The following BEND4 variants were observed in gnomAD, a reference collection of about 807,000 sequenced individuals.
BEND4 encodes the protein BEN domain-containing protein 4.
Under a neutral mutation model 54.7 loss-of-function variants are expected in BEND4, and 27 were observed. That is an observed-to-expected ratio of 0.49 (90% CI 0.36 to 0.68). The LOEUF (loss-of-function observed/expected upper bound fraction) is 0.68. Among genes scored for constraint, BEND4 ranks in the 30% least tolerant of loss-of-function variants. BEND4 has a pLI of 0.00. For missense variants in BEND4, 702 were observed against 697.2 expected, an observed-to-expected ratio of 1.01 and a Z score of -0.08; for synonymous variants, 327 against 299.5, an observed-to-expected ratio of 1.09 and a Z score of -0.95.
chr4:42,127,504 T>A (rs1335030248), intron 3 of BEND4, among the ~76,000 whole-genome samples: 3 of 152,202 alleles, frequency 2.0e-5, no homozygotes, highest in Admixed American at 6.5e-5. Context: ...AGGAAGAATG[T>A]GTCTCCTGAC....
rs967770427 is a variant in BEND4 at position 42,114,761 on chromosome 4, T to C, written c.*2757A>G. ...CCAAAATACAAATGAACATCCTTTG[T>C]TGGTCCTGATTTAAACAAGAGGAGA... On this transcript the variant is annotated 3_prime_UTR_variant, in exon 6 of 6. Transcript: ENST00000502486. 1.3e-5 allele frequency: 2 copies of C among 152,210 alleles called. No homozygotes were observed. Among genetic ancestry groups the C allele is most frequent in the Non-Finnish European group, 2.9e-5 (2 of 68,048 alleles). The allele number at this position is 152,210 out of a possible 1,614,324, so 9.4% of individuals were successfully genotyped here. A position where few individuals can be genotyped will look rare whatever the true frequency, so the allele number is the denominator to read the frequency against.
At chr4:42,129,715 CA>C (rs1720433919) in intron 3 of BEND4, among the ~76,000 whole-genome samples, 1 of 152,116 alleles carries the variant, frequency 6.6e-6, no homozygotes, top group Admixed American at 6.5e-5. Context: ...ATACCTTATA[CA>C]AAAAGTAACT....
At chr4:42,131,902 C>T (rs1388067806) in intron 3 of BEND4, among the ~76,000 whole-genome samples, 1 of 152,142 alleles carries the variant, frequency 6.6e-6, no homozygotes, top group Admixed American at 6.5e-5. Flanking sequence ...CCTTGAAGCA[C>T]CCCCAGCCAA....
At chr4:42,139,230 G>T (rs2153146756) in intron 3 of BEND4, among the ~76,000 whole-genome samples, 2 of 152,164 alleles carry the variant, frequency 1.3e-5, no homozygotes, top group Admixed American at 1.3e-4. Flanking sequence ...TTTCTAGTGT[G>T]GTGATCTAAT....
rs373600806 is a variant in BEND4 at position 42,117,974 on chromosome 4, T to C, written c.1388-239A>G. 9.7e-4 allele frequency among the ~76,000 whole-genome samples: 147 copies of C among 152,196 alleles called. No individual in the cohort carries two copies. The Middle Eastern group carries it at 0.02, about 21-fold the overall frequency. On this transcript the variant is annotated intron_variant, in intron 5 of 5. Coordinates refer to ENST00000502486, the MANE Select transcript of BEND4 (RefSeq NM_207406.4). The stretch of plus-strand genomic sequence containing the variant: ...ACACAGATATAGAGGGTAATCCCTC[T>C]AAGGAACATTTGCTGTTGAAATAAA...
Position 42,140,996 on chromosome 4 carries a change from A to C in BEND4, c.1054+2432T>G, listed in dbSNP as rs567423927. Among the ~76,000 whole-genome samples the C allele has an allele frequency of 7.2e-5, 11 of 152,114 alleles. No homozygotes were observed. In the East Asian group the frequency reaches 1.9e-3, roughly 27 times the overall value. ...GAGATAAACCCACAGTGAACTAAGC[A>C]CTGGTTACACAGCTGTGAGACTTGT... On this transcript the variant is annotated intron_variant, in intron 3 of 5. Coordinates refer to ENST00000502486, the MANE Select transcript of BEND4 (RefSeq NM_207406.4).
intron 3 of BEND4, among the ~76,000 whole-genome samples, chr4:42,126,985 T>A (rs1355015641): frequency 6.6e-6 from 1 of 152,262 alleles, no homozygotes; most frequent in African/African-American, 2.4e-5. Context: ...AAGATGTTCT[T>A]GTCACGTTCA....
At position 42,115,551 on chromosome 4, in the gene BEND4, A is replaced by G. The variant is rs1339686426; in HGVS notation, c.*1967T>C. 1 of 152,264 alleles carries G rather than the reference A, an allele frequency of 6.6e-6. No individual in the cohort carries two copies. The highest frequency in any genetic ancestry group is 1.5e-5 in the Non-Finnish European group (1 of 68,044). 9.4% of individuals were successfully genotyped at this position (152,264 alleles called of 1,614,324 possible). ...TTTAGAAAAACAGAACGATGTATTC[A>G]GCAGTAAGGACAACTTAAGGCCAAT... On this transcript the variant is annotated 3_prime_UTR_variant, in exon 6 of 6. Transcript: ENST00000502486.
intron 4 of BEND4, 76 bp downstream of exon 4, chr4:42,125,507 G>T: frequency 1.8e-6 from 2 of 1,119,716 alleles, no homozygotes; most frequent in Admixed American, 1.8e-5. Context: ...AGTCTGTTCT[G>T]GTATACACTG....
chr4:42,132,963 T>C (rs979296266), intron 3 of BEND4, among the ~76,000 whole-genome samples: 4 of 152,300 alleles, frequency 2.6e-5, no homozygotes, highest in Admixed American at 2.0e-4. Flanking sequence ...TATCCTGATA[T>C]TGATATTTAT....
At chr4:42,135,729 T>C (rs894521652) in intron 3 of BEND4, among the ~76,000 whole-genome samples, 6 of 152,078 alleles carry the variant, frequency 3.9e-5, no homozygotes, top group Non-Finnish European at 8.8e-5. Context: ...GAGCCGAGAT[T>C]GTGCCACTGC....
In BEND4 at chr4:42,143,789, T is replaced by C. The variant is rs146288414; in HGVS notation, c.693A>G (p.Ile231Met). The change falls in exon 3 of 6, where the codon ATA becomes ATG. Residue 231 changes from isoleucine (I) to methionine (M), a missense_variant. Physicochemically the swap from Ile to Met is conservative, Grantham distance 10. Transcript: ENST00000502486. ...GTTTCCTTTGCATATACTGCATCTC[T>C]ATGTCTACATTGTCTGAGGTCTGAC... ...VHSQTSDNVDIEMQYMQRKQQ... is the reference protein window; with the variant it reads ...VHSQTSDNVDMEMQYMQRKQQ... 1.9e-3 allele frequency: 3,101 copies of C among 1,610,762 alleles called. 10 individuals carry two copies. Among genetic ancestry groups the C allele is most frequent in the Middle Eastern group, 3.1e-3 (19 of 6,048 alleles).
At chr4:42,126,195 T>C (rs1720275591) in intron 3 of BEND4, among the ~76,000 whole-genome samples, 1 of 152,264 alleles carries the variant, frequency 6.6e-6, no homozygotes, top group Admixed American at 6.5e-5. Context: ...CACAATTCAC[T>C]GAGAACTTTC....
chr4:42,135,785 C>G lies in BEND4; in HGVS notation c.1054+7643G>C, dbSNP rs755897620. Among the ~76,000 whole-genome samples, 5 of 151,998 alleles carry G rather than the reference C, an allele frequency of 3.3e-5. No individual in the cohort carries two copies. In the East Asian group the frequency reaches 5.8e-4, roughly 18 times the overall value. ...GCAAGACTCCGTCTAAAAAAACCAA[C>G]CAAACAAACATACAAAAAAAACATT... On this transcript the variant is annotated intron_variant, in intron 3 of 5. Coordinates refer to ENST00000502486, the MANE Select transcript of BEND4 (RefSeq NM_207406.4).
chr4:42,151,954 G>A lies in BEND4; in HGVS notation c.190C>T (p.Pro64Ser). Reference protein sequence around the residue: ...APPPPPPPFAPHAAVSISSSE... With the variant: ...APPPPPPPFASHAAVSISSSE... ...CTGCTGATGGAGACGGCGGCGTGCG[G>A]CGCGAAGGGCGGCGGGGGCGGCGGG... is the stretch of plus-strand genomic sequence containing the variant. The change falls in exon 2 of 6, where the codon CCG becomes TCG. Residue 64 changes from proline to serine, a missense_variant. By Grantham distance (74) the Pro-to-Ser change is moderately conservative. Transcript: ENST00000502486. 8.0e-7 allele frequency: 1 copy of A among 1,249,050 alleles called. No individual in the cohort carries two copies. The highest frequency in any genetic ancestry group is 2.7e-4 in the Middle Eastern group (1 of 3,712). The allele number at this position is 1,249,050 out of a possible 1,614,324, so 77.4% of individuals were successfully genotyped here. A position where few individuals can be genotyped will look rare whatever the true frequency, so the allele number is the denominator to read the frequency against.
intron 3 of BEND4, among the ~76,000 whole-genome samples, chr4:42,136,606 C>A (rs952591027): frequency 2.0e-5 from 3 of 152,358 alleles, no homozygotes; most frequent in Admixed American, 2.0e-4. Context: ...GCTTTGCATT[C>A]TTGTTTCAGC....
intron 3 of BEND4, among the ~76,000 whole-genome samples, chr4:42,138,505 CACA>C (rs1446873816): frequency 6.6e-6 from 1 of 152,074 alleles, no homozygotes; most frequent in African/African-American, 2.4e-5. Flanking sequence ...AGAGATTCAA[CACA>C]ACATGAGGAA....
In BEND4 at chr4:42,147,234, G is replaced by A. The variant is rs187022771; in HGVS notation, c.488-3240C>T. Reference sequence around the variant, plus strand: ...GAATATTATTTTAACATTGATACATGGAAGATTGTGATGAAAAATATTACC... The same window carrying A: ...GAATATTATTTTAACATTGATACATAGAAGATTGTGATGAAAAATATTACC... On this transcript the variant is annotated intron_variant, in intron 2 of 5. Coordinates refer to ENST00000502486, the MANE Select transcript of BEND4 (RefSeq NM_207406.4). Among the ~76,000 whole-genome samples the A allele has an allele frequency of 2.8e-4, 42 of 152,118 alleles. No homozygotes were observed. In the East Asian group the frequency reaches 7.9e-3, roughly 29 times the overall value.
intron 4 of BEND4, among the ~76,000 whole-genome samples, chr4:42,121,907 T>C (rs1720079486): frequency 6.6e-6 from 1 of 152,090 alleles, no homozygotes; most frequent in Admixed American, 6.6e-5. Context: ...GAACAGAGGC[T>C]ACGGCTGGGA....
Sources: allele counts gnomAD v4.1 joint callset (sites outside exome capture counted in the v4.1 genomes callset), GRCh38; gene constraint gnomAD v4.1.1; transcripts MANE v1.5; gene names NCBI Gene and HGNC (gene_info 2026-07-23, HGNC 2026-07-21).